Variants in PHTF2 observed in about 807,000 individuals in gnomAD.
PHTF2 encodes protein PHTF2.
PHTF2 carries 60 observed loss-of-function variants against 101.2 expected under a neutral mutation model. The observed-to-expected ratio is 0.59, with a 90% confidence interval of 0.48 to 0.73. The LOEUF (loss-of-function observed/expected upper bound fraction) is 0.73. Ranked by LOEUF, PHTF2 falls within the 30% of genes least tolerant of loss-of-function variation. The probability of loss-of-function intolerance (pLI) is 0.00; values close to 1 mark genes in which losing one functional copy is unlikely to be tolerated. For synonymous variants in PHTF2, 311 were observed against 307.3 expected, an observed-to-expected ratio of 1.01 and a Z score of -0.13; for missense variants, 747 against 908.7, an observed-to-expected ratio of 0.82 and a Z score of 2.29.
Position 77,910,113 on chromosome 7 carries a change from GTAAATCTA to G in PHTF2, c.612-131_612-124del, listed in dbSNP as rs1347588585. 8.8e-5 allele frequency: 57 copies of G among 645,338 alleles called. No homozygotes were observed. The African/African-American group carries it at 9.4e-4, about 11-fold the overall frequency. 40.0% of individuals were successfully genotyped at this position (645,338 alleles called of 1,614,324 possible). On this transcript the variant is annotated intron_variant, in intron 8 of 19. Coordinates refer to ENST00000416283, the Ensembl canonical transcript of PHTF2. ...TGATATTTGGATTAAATTTTATCTA[GTAAATCTA>G]AATTTTATTATGTGTTAAGTAAAGT...
rs567431472 is a variant in PHTF2, at chr7:77,950,967, G to T, written c.2116-650G>T. 3.9e-4 allele frequency among the ~76,000 whole-genome samples: 59 copies of T among 152,320 alleles called. No homozygotes were observed. In the Middle Eastern group the frequency reaches 0.01, roughly 26 times the overall value. On this transcript the variant is annotated intron_variant, in intron 17 of 19. Transcript: ENST00000416283. ...TGTACATTCCAGCCTAATCAGCGATGGCTGCCAGATTGGGGGTAAAGGTGA... is the reference window on the plus strand; with the variant it reads ...TGTACATTCCAGCCTAATCAGCGATTGCTGCCAGATTGGGGGTAAAGGTGA...
chr7:77,936,551 A>G (rs374273992), intron 12 of PHTF2, among the ~76,000 whole-genome samples: 4 of 151,290 alleles, frequency 2.6e-5, no homozygotes, highest in East Asian at 2.0e-4. Context: ...GTGGGCGCCT[A>G]TAGTCCCAGC....
rs1804322516 is a variant in PHTF2, at chr7:77,929,067, G to GTA, written c.1120-41_1120-40dup. On this transcript the variant is annotated intron_variant, in intron 11 of 19. Coordinates refer to ENST00000416283, the Ensembl canonical transcript of PHTF2. Reference sequence around the variant, plus strand: ...GATAGTATCCTTTGAGTTGGAAAGAGTACATAAATTGTATTAATGTCAAAG... The same window carrying GTA: ...GATAGTATCCTTTGAGTTGGAAAGAGTATACATAAATTGTATTAATGTCAAAG... 3 of 1,406,964 alleles carry GTA rather than the reference G, an allele frequency of 2.1e-6. No homozygotes were observed. The East Asian group carries it at 6.9e-5, about 32-fold the overall frequency. The allele number at this position is 1,406,964 out of a possible 1,614,324, so 87.2% of individuals were successfully genotyped here. A position where few individuals can be genotyped will look rare whatever the true frequency, so the allele number is the denominator to read the frequency against.
rs189774239 is a variant in PHTF2 at position 77,914,831 on chromosome 7, C to T, written c.776+4422C>T. ...TCCTTGGTTTGTGCTAGAGTTATAT[C>T]GGATCCACATTAAACTGAGATTCTG... On this transcript the variant is annotated intron_variant, in intron 9 of 19. Transcript: ENST00000416283. Among the ~76,000 whole-genome samples, 199 of 152,230 alleles carry T rather than the reference C, an allele frequency of 1.3e-3. 1 individual carries two copies. Among genetic ancestry groups the T allele is most frequent in the Middle Eastern group, 3.4e-3 (1 of 294 alleles).
intron 16 of PHTF2, among the ~76,000 whole-genome samples, chr7:77,945,755 T>G (rs1472176376): frequency 6.6e-6 from 1 of 152,164 alleles, no homozygotes; most frequent in Non-Finnish European, 1.5e-5. Context: ...AAATGCATAA[T>G]CTATTAAAAC....
chr7:77,823,252 C>T (rs1327240400), intron 1 of PHTF2, among the ~76,000 whole-genome samples: 2 of 150,464 alleles, frequency 1.3e-5, no homozygotes, highest in African/African-American at 4.9e-5. Context: ...GACGGAGTCT[C>T]GCTCTGTCGC....
chr7:77,820,106 C>T (rs1490540990), intron 1 of PHTF2, among the ~76,000 whole-genome samples: 1 of 152,166 alleles, frequency 6.6e-6, no homozygotes, highest in Non-Finnish European at 1.5e-5. Context: ...TCAGGCTGGT[C>T]TCAAACTCTC....
chr7:77,915,198 C>T (rs1474493926), intron 9 of PHTF2, among the ~76,000 whole-genome samples: 1 of 151,116 alleles, frequency 6.6e-6, no homozygotes, highest in Non-Finnish European at 1.5e-5. Context: ...CGTGAGTCAC[C>T]GCTCCTGGCC....
rs1374727903 is a variant in PHTF2, at chr7:77,927,186, A to G, written c.1120-1923A>G. Among the ~76,000 whole-genome samples the G allele has an allele frequency of 5.7e-5, 5 of 87,214 alleles. No homozygotes were observed. The Admixed American group carries it at 6.8e-4, about 12-fold the overall frequency. The allele number at this position is 87,214 out of a possible 152,430, so 57.2% of individuals were successfully genotyped here. On this transcript the variant is annotated intron_variant, in intron 11 of 19. Coordinates refer to ENST00000416283, the Ensembl canonical transcript of PHTF2. ...AAAAAAAAAAAAAAAAAATATATAT[A>G]TATATATATACATACACACACACAC...
chr7:77,876,944 A>C (rs1798994906), intron 3 of PHTF2, among the ~76,000 whole-genome samples: 1 of 152,182 alleles, frequency 6.6e-6, no homozygotes, highest in African/African-American at 2.4e-5. Flanking sequence ...GAGTAATGTT[A>C]AATTGTGTGG....
intron 16 of PHTF2, among the ~76,000 whole-genome samples, chr7:77,946,137 G>GTTGATATCA (rs1247142643): frequency 6.6e-6 from 1 of 152,178 alleles, no homozygotes; most frequent in African/African-American, 2.4e-5. Flanking sequence ...TTTGTGCCTG[G>GTTGATATCA]AATGCAGATT....
chr7:77,838,185 A>G (rs1584450447), intron 1 of PHTF2, among the ~76,000 whole-genome samples: 3 of 152,312 alleles, frequency 2.0e-5, no homozygotes, highest in Admixed American at 2.0e-4. Flanking sequence ...TCTGGGATAC[A>G]AGGTGGTTGA....
chr7:77,805,312 TCTC>T (rs1157669155), intron 1 of PHTF2, among the ~76,000 whole-genome samples: 1 of 152,150 alleles, frequency 6.6e-6, no homozygotes, highest in East Asian at 1.9e-4. Context: ...TCTCTCCTAT[TCTC>T]CTGGCTAGAG....
At chr7:77,821,455 C>G (rs1417223572) in intron 1 of PHTF2, among the ~76,000 whole-genome samples, 3 of 151,990 alleles carry the variant, frequency 2.0e-5, no homozygotes, top group African/African-American at 7.3e-5. Context: ...TTCTGCTTGG[C>G]TGGCCTGTGG....
chr7:77,919,818 G>A (rs12537468), intron 9 of PHTF2, among the ~76,000 whole-genome samples: 22,230 of 151,762 alleles, frequency 0.15, 2,171 homozygotes, highest in African/African-American at 0.27. Context: ...TTTTTATGTT[G>A]CAAAAGACCT....
chr7:77,927,860 AGGTTAC>A (rs1377271631), intron 11 of PHTF2, among the ~76,000 whole-genome samples: 1 of 152,210 alleles, frequency 6.6e-6, no homozygotes, highest in African/African-American at 2.4e-5. Context: ...CTGGAGTAAA[AGGTTAC>A]GGTATGTAGT....
chr7:77,870,581 G>T (rs570111880), intron 3 of PHTF2, among the ~76,000 whole-genome samples: 2 of 152,080 alleles, frequency 1.3e-5, no homozygotes, highest in Non-Finnish European at 2.9e-5. Context: ...GATTAAGGGT[G>T]GGTCTGCTTT....
chr7:77,827,808 T>A (rs1361441667), intron 1 of PHTF2, among the ~76,000 whole-genome samples: 1 of 151,926 alleles, frequency 6.6e-6, no homozygotes, highest in Non-Finnish European at 1.5e-5. Flanking sequence ...CCTGGCTAAT[T>A]TTTGTATTAG....
chr7:77,880,978 A>G (rs1799363145), intron 3 of PHTF2, among the ~76,000 whole-genome samples: 1 of 152,166 alleles, frequency 6.6e-6, no homozygotes, highest in African/African-American at 2.4e-5. Context: ...TCAGCTGCTT[A>G]TGCTCTATCT....
Sources: gnomAD v4.1 joint callset for allele counts (sites outside exome capture counted in the v4.1 genomes callset) on GRCh38, gnomAD v4.1.1 for gene constraint, MANE v1.5 for transcripts, NCBI Gene and HGNC (gene_info 2026-07-23, HGNC 2026-07-21) for gene names.